Variants in PTPRT observed in about 807,000 individuals in gnomAD.
The protein encoded by PTPRT is protein tyrosine phosphatase receptor type T.
Under a neutral mutation model 176.8 loss-of-function variants are expected in PTPRT, and 56 were observed. That is an observed-to-expected ratio of 0.32 (90% confidence interval 0.26 to 0.40). The LOEUF is 0.40. Ranked by LOEUF, PTPRT falls within the 10% of genes least tolerant of loss-of-function variation. The probability of loss-of-function intolerance (pLI) is 1.00; values close to 1 mark genes in which losing one functional copy is unlikely to be tolerated. For missense variants in PTPRT, 1,540 were observed against 1,908.2 expected (o/e 0.81, Z 3.60); for synonymous variants, 783 against 739.0 (o/e 1.06, Z -0.96).
chr20:42,434,215 C>T (rs1601017880), intron 9 of PTPRT, among the ~76,000 whole-genome samples: 1 of 152,140 alleles, frequency 6.6e-6, no homozygotes, highest in Non-Finnish European at 1.5e-5. Context: ...TATATTGTCA[C>T]TAACATTTAA....
chr20:42,286,095 T>C (rs1243073797), intron 12 of PTPRT, among the ~76,000 whole-genome samples: 1 of 151,718 alleles, frequency 6.6e-6, no homozygotes, highest in Non-Finnish European at 1.5e-5. Flanking sequence ...GGGAAACAAA[T>C]AGAAAGATAT....
chr20:43,074,147 G>A (rs534808725), intron 1 of PTPRT, among the ~76,000 whole-genome samples: 2 of 152,176 alleles, frequency 1.3e-5, no homozygotes, highest in East Asian at 3.9e-4. Context: ...ATGTCTAAAA[G>A]ACTTCTTAAG....
chr20:42,786,564 T>C lies in PTPRT; in HGVS notation c.486+4631A>G, dbSNP rs560672876. Among the ~76,000 whole-genome samples the C allele has an allele frequency of 1.2e-4, 18 of 152,288 alleles. No homozygotes were observed. The South Asian group carries it at 3.7e-3, about 32-fold the overall frequency. ...AGAGGGAGCTACTGCACAGATCTCA[T>C]GCCTCTCATAGGGTGTGAACATAGG... On this transcript the variant is annotated intron_variant, in intron 3 of 30. Coordinates refer to ENST00000373187, the MANE Select transcript of PTPRT (RefSeq NM_007050.6).
intron 1 of PTPRT, among the ~76,000 whole-genome samples, chr20:43,057,952 T>C (rs116680278): frequency 3.1e-4 from 47 of 152,240 alleles, no homozygotes; most frequent in African/African-American, 1.1e-3. Flanking sequence ...GCTTAGTACA[T>C]AGAAAGCACC....
intron 9 of PTPRT, among the ~76,000 whole-genome samples, chr20:42,359,746 G>T (rs1025697875): frequency 6.6e-6 from 1 of 152,212 alleles, no homozygotes; most frequent in African/African-American, 2.4e-5. Context: ...CAAGCTTCAG[G>T]GTCAGAGGCT....
chr20:42,609,529 C>G (rs2073938803), intron 7 of PTPRT, among the ~76,000 whole-genome samples: 3 of 152,196 alleles, frequency 2.0e-5, no homozygotes, highest in African/African-American at 7.2e-5. Flanking sequence ...AGTGTCACAG[C>G]CAGTGTTCAA....
intron 6 of PTPRT, among the ~76,000 whole-genome samples, chr20:42,747,252 G>A (rs114982982): frequency 2.6e-5 from 4 of 152,332 alleles, no homozygotes; most frequent in South Asian, 4.1e-4. Context: ...AAGAAGGGAT[G>A]GTGAGGGGTC....
chr20:42,779,931 A>G (rs1287709918), intron 4 of PTPRT, among the ~76,000 whole-genome samples: 1 of 151,998 alleles, frequency 6.6e-6, no homozygotes, highest in African/African-American at 2.4e-5. Context: ...AATCCCACTA[A>G]TAAACAATCA....
At chr20:42,140,226 CT>C (rs201555533) in intron 18 of PTPRT, among the ~76,000 whole-genome samples, 9,219 of 146,818 alleles carry the variant, frequency 0.063, 354 homozygotes, top group East Asian at 0.2. Flanking sequence ...ATTCAGGATC[CT>C]TTTTTTTTTT....
At chr20:42,760,199 C>T in intron 5 of PTPRT, among the ~76,000 whole-genome samples, 1 of 152,134 alleles carries the variant, frequency 6.6e-6, no homozygotes, top group East Asian at 1.9e-4. Flanking sequence ...GCCGACATGC[C>T]CAGTGCTCTA....
chr20:42,089,987 T>C (rs1275370874), intron 27 of PTPRT, among the ~76,000 whole-genome samples: 1 of 152,212 alleles, frequency 6.6e-6, no homozygotes, highest in African/African-American at 2.4e-5. Flanking sequence ...GCTTATGTTG[T>C]GTAGCAAAAG....
chr20:43,018,992 C>T (rs1019704344), intron 1 of PTPRT, among the ~76,000 whole-genome samples: 6 of 152,078 alleles, frequency 3.9e-5, no homozygotes, highest in Admixed American at 3.3e-4. Flanking sequence ...ATTTATCTTA[C>T]TGAAATACAT....
chr20:43,103,548 G>T, intron 1 of PTPRT, among the ~76,000 whole-genome samples: 1 of 150,732 alleles, frequency 6.6e-6, no homozygotes, highest in Non-Finnish European at 1.5e-5. Flanking sequence ...CCCCACTTTG[G>T]ACCCTCTATT....
intron 6 of PTPRT, chr20:42,685,791 C>T (rs190607520): frequency 6.6e-6 from 1 of 152,174 alleles, no homozygotes; most frequent in Non-Finnish European, 1.5e-5. Context: ...CCTAGTAAAC[C>T]TGCATCAGTT....
At chr20:42,767,156 A>T (rs1411167054) in intron 5 of PTPRT, among the ~76,000 whole-genome samples, 1 of 152,150 alleles carries the variant, frequency 6.6e-6, no homozygotes, top group Admixed American at 6.5e-5. Flanking sequence ...TTGTAGAAAG[A>T]TGTTAACCTA....
At chr20:42,645,762 TTATGTGTG>T (rs990068307) in intron 7 of PTPRT, among the ~76,000 whole-genome samples, 2 of 127,864 alleles carry the variant, frequency 1.6e-5, no homozygotes, top group African/African-American at 6.3e-5. Context: ...GGATGTGTAT[TTATGTGTG>T]TGTGTGTGTG....
At chr20:43,181,550 G>A (rs758318863) in intron 1 of PTPRT, among the ~76,000 whole-genome samples, 2 of 152,244 alleles carry the variant, frequency 1.3e-5, no homozygotes, top group Non-Finnish European at 2.9e-5. Flanking sequence ...ACATAATATG[G>A]CAATGTGGCA....
At chr20:42,534,469 TA>T (rs2072440387) in intron 7 of PTPRT, among the ~76,000 whole-genome samples, 1 of 151,818 alleles carries the variant, frequency 6.6e-6, no homozygotes, top group Admixed American at 6.6e-5. Context: ...CCGTCTCTAC[TA>T]AAAATACCAA....
intron 3 of PTPRT, among the ~76,000 whole-genome samples, chr20:42,783,956 G>A (rs2077252071): frequency 1.3e-5 from 2 of 152,190 alleles, no homozygotes; most frequent in African/African-American, 4.8e-5. Context: ...AGTACAGGGA[G>A]TGGAGCAGAG....
Sources: gnomAD v4.1 joint callset for allele counts (sites outside exome capture counted in the v4.1 genomes callset) on GRCh38, gnomAD v4.1.1 for gene constraint, MANE v1.5 for transcripts, NCBI Gene and HGNC (gene_info 2026-07-23, HGNC 2026-07-21) for gene names.